Variants in PCDHA4 observed in about 807,000 individuals in gnomAD.
PCDHA4 encodes the protein protocadherin alpha 4.
Under a neutral mutation model 61.4 loss-of-function variants are expected in PCDHA4, and 49 were observed. That is an observed-to-expected ratio of 0.80 (90% CI 0.63 to 1.01). The LOEUF (loss-of-function observed/expected upper bound fraction) is 1.01, where lower values mean the gene tolerates loss of function less well. PCDHA4 is among the 50% of genes least tolerant of loss of function. PCDHA4 has a pLI of 0.00. For synonymous variants in PCDHA4, 590 were observed against 550.3 expected, an observed-to-expected ratio of 1.07 and a Z score of -1.01; for missense variants, 1,254 against 1,235.8, an observed-to-expected ratio of 1.01 and a Z score of -0.22.
At position 140,808,348 on chromosome 5, in the gene PCDHA4, C is replaced by A; in HGVS notation, c.1161C>A (p.Cys387Ter). 1.9e-6 allele frequency: 3 copies of A among 1,614,258 alleles called. No homozygotes were observed. ...TGGGTGTCAATGGGCTGGTCACCTG[C>A]TCCTTGACGTCCCACGTCCCCTTCA... The part of the protein sequence containing the change: ...KDMGVNGLVT[C>*]SLTSHVPFKL... The change falls in exon 1 of 4, where the codon TGC (cysteine) becomes TGA (stop). Residue 387 changes from cysteine to a stop codon, truncating the protein, a stop_gained. Transcript: ENST00000530339. LOFTEE classifies it high-confidence loss of function.
At chr5:140,816,402 T>C (rs2126671335) in intron 1 of PCDHA4, 3 of 152,218 alleles carry the variant, frequency 2.0e-5, no homozygotes, top group Admixed American at 6.5e-5. Context: ...TGCTTATGCA[T>C]TATTTTCCTG....
chr5:140,848,400 G>T, intron 1 of PCDHA4: 1 of 1,298,514 alleles, frequency 7.7e-7, no homozygotes. Context: ...TGTGCTGAAC[G>T]ATGGCGAACA....
chr5:140,876,575 T>C (rs2153342882), intron 1 of PCDHA4: 1 of 1,614,152 alleles, frequency 6.2e-7, no homozygotes, highest in South Asian at 1.1e-5. Context: ...GTGGGTACCG[T>C]CATTGCCCTG....
intron 1 of PCDHA4, among the ~76,000 whole-genome samples, chr5:140,956,217 T>C (rs1554222303): frequency 1.1e-4 from 17 of 152,208 alleles, no homozygotes. Flanking sequence ...GGCATCCTTG[T>C]CTTGTGCTGG....
intron 1 of PCDHA4, chr5:140,856,534 A>G (rs782489948): frequency 6.3e-7 from 1 of 1,598,482 alleles, no homozygotes; most frequent in Non-Finnish European, 8.6e-7. Context: ...CGGATGTTGG[A>G]GAGAACGCAT....
intron 1 of PCDHA4, among the ~76,000 whole-genome samples, chr5:140,942,069 A>G (rs1384507706): frequency 1.3e-5 from 2 of 152,234 alleles, no homozygotes; most frequent in Non-Finnish European, 2.9e-5. Flanking sequence ...TAATTGAGCC[A>G]AGAGAGCACA....
At chr5:140,919,858 T>C (rs1392372108) in intron 1 of PCDHA4, among the ~76,000 whole-genome samples, 1 of 152,246 alleles carries the variant, frequency 6.6e-6, no homozygotes, top group Non-Finnish European at 1.5e-5. Flanking sequence ...TGACCTCATT[T>C]GGAAATAAGT....
At chr5:141,008,809 C>T (rs1397377778) in intron 3 of PCDHA4, among the ~76,000 whole-genome samples, 2 of 152,160 alleles carry the variant, frequency 1.3e-5, no homozygotes, top group African/African-American at 4.8e-5. Flanking sequence ...CAAATAGGCT[C>T]AATTTACAAC....
intron 1 of PCDHA4, chr5:140,828,311 C>G (rs2150153881): frequency 6.2e-7 from 1 of 1,614,174 alleles, no homozygotes; most frequent in Non-Finnish European, 8.5e-7. Flanking sequence ...CCGCGAGGAC[C>G]TTCTGGAGGT....
chr5:140,870,562 G>T (rs1554164416), intron 1 of PCDHA4: 1 of 1,613,996 alleles, frequency 6.2e-7, no homozygotes, highest in Non-Finnish European at 8.5e-7. Context: ...GCAGGAGAAC[G>T]CGCTGGTGTC....
At chr5:140,835,993 C>A (rs2150249835) in intron 1 of PCDHA4, 2 of 1,613,346 alleles carry the variant, frequency 1.2e-6, no homozygotes, top group African/African-American at 1.3e-5. Context: ...CAGGTGAGCG[C>A]GCGCGATGCG....
intron 1 of PCDHA4, among the ~76,000 whole-genome samples, chr5:140,943,307 T>C (rs1554215574): frequency 6.7e-6 from 1 of 149,570 alleles, no homozygotes; most frequent in Non-Finnish European, 1.5e-5. Flanking sequence ...TGGGAAGTCA[T>C]TATTAGCAAT....
chr5:140,836,673 C>G (rs2150267482), intron 1 of PCDHA4: 2 of 1,613,246 alleles, frequency 1.2e-6, no homozygotes, highest in Non-Finnish European at 8.5e-7. Flanking sequence ...TGGGGAGGGC[C>G]CACCCAAGAC....
At chr5:140,860,642 GAAGAT>G (rs144102428) in intron 1 of PCDHA4, 5 of 152,352 alleles carry the variant, frequency 3.3e-5, no homozygotes, top group African/African-American at 1.2e-4. Context: ...CAGGAACGAA[GAAGAT>G]AAGTGAAATA....
chr5:140,836,007 G>A (rs2150250458), intron 1 of PCDHA4: 5 of 1,613,296 alleles, frequency 3.1e-6, no homozygotes, highest in South Asian at 1.1e-5. Context: ...CGATGCGGGC[G>A]TGCCGCCTCT....
intron 2 of PCDHA4, among the ~76,000 whole-genome samples, chr5:140,981,442 C>T (rs1379745081): frequency 6.6e-6 from 1 of 151,988 alleles, no homozygotes; most frequent in Non-Finnish European, 1.5e-5. Flanking sequence ...GGCATGGTGG[C>T]GGGTGCCTGT....
intron 1 of PCDHA4, chr5:140,882,003 G>C: frequency 2.0e-6 from 1 of 492,180 alleles, no homozygotes; most frequent in Non-Finnish European, 3.4e-6. Flanking sequence ...AATGCAAGGG[G>C]CAAAAAAATA....
chr5:140,909,620 A>C (rs576090849), intron 1 of PCDHA4, among the ~76,000 whole-genome samples: 1 of 152,122 alleles, frequency 6.6e-6, no homozygotes. Flanking sequence ...GGCAGCTCTA[A>C]TTGGTCTTCC....
intron 1 of PCDHA4, chr5:140,868,693 T>C (rs1284176343): frequency 5.7e-6 from 1 of 176,810 alleles, no homozygotes; most frequent in African/African-American, 2.4e-5. Flanking sequence ...TAATGTTAAG[T>C]CAAACATAGA....
Sources: allele counts gnomAD v4.1 joint callset (sites outside exome capture counted in the v4.1 genomes callset), GRCh38; gene constraint gnomAD v4.1.1; transcripts MANE v1.5; gene names NCBI Gene and HGNC (gene_info 2026-07-23, HGNC 2026-07-21).